PSD3: variants seen among roughly 807,000 people sequenced by gnomAD.
The protein encoded by PSD3 is pleckstrin and Sec7 domain containing 3, also known as PH and SEC7 domain-containing protein 3.
A neutral mutation model predicts 105.5 loss-of-function variants in PSD3; 49 were observed. That is an observed-to-expected ratio of 0.46 (90% CI 0.37 to 0.59). The LOEUF (loss-of-function observed/expected upper bound fraction) is 0.59, where lower values mean the gene tolerates loss of function less well. Among genes scored for constraint, PSD3 ranks in the 20% least tolerant of loss-of-function variants. The pLI is 0.00. For missense variants in PSD3, 1,561 were observed against 1,263.8 expected (o/e 1.24, Z -3.57); for synonymous variants, 557 against 457.8 (o/e 1.22, Z -2.77).
At chr8:18,721,149 C>T (rs1802943167) in intron 9 of PSD3, 1 of 152,012 alleles carries the variant, frequency 6.6e-6, no homozygotes, top group African/African-American at 2.4e-5. Context: ...CGCCATCTGT[C>T]CCACCGGACA....
chr8:18,731,273 A>C (rs946263672), intron 9 of PSD3, among the ~76,000 whole-genome samples: 1 of 152,168 alleles, frequency 6.6e-6, no homozygotes, highest in Non-Finnish European at 1.5e-5. Context: ...AAAAAACAAA[A>C]AACCTTCTTC....
At chr8:18,809,162 G>A (rs1405446059) in intron 4 of PSD3, among the ~76,000 whole-genome samples, 2 of 152,102 alleles carry the variant, frequency 1.3e-5, no homozygotes, top group African/African-American at 4.8e-5. Context: ...AGCATTAGAT[G>A]CGTTCTGTAG....
rs67555804 is a variant in PSD3, at chr8:18,652,493, G to GTTTTTTTTTTTTTT, written c.2216+3135_2216+3148dup. Among the ~76,000 whole-genome samples, 51 of 92,602 alleles carry GTTTTTTTTTTTTTT rather than the reference G, an allele frequency of 5.5e-4. 4 individuals carry two copies. The highest frequency in any genetic ancestry group is 7.0e-4 in the Non-Finnish European group (35 of 50,314). The allele number at this position is 92,602 out of a possible 152,430, so 60.8% of individuals were successfully genotyped here. Reference sequence around the variant, plus strand: ...ACACTTTTATCAAGGAAAAAGCTTAGTTTTTTTTTTTTTTTTTTTTTTGAG... The same window carrying GTTTTTTTTTTTTTT: ...ACACTTTTATCAAGGAAAAAGCTTAGTTTTTTTTTTTTTTTTTTTTTTTTTTTTTTTTTTTTGAG... On this transcript the variant is annotated intron_variant, in intron 10 of 15. Transcript: ENST00000327040.
intron 2 of PSD3, among the ~76,000 whole-genome samples, chr8:18,883,392 C>G (rs1156702345): frequency 1.3e-5 from 2 of 152,090 alleles, no homozygotes; most frequent in African/African-American, 4.8e-5. Context: ...CTCAAATTAC[C>G]AAGTAACCCC....
chr8:18,739,514 G>A (rs1294357265), intron 9 of PSD3, among the ~76,000 whole-genome samples: 1 of 152,078 alleles, frequency 6.6e-6, no homozygotes, highest in Non-Finnish European at 1.5e-5. Context: ...AAGGTAATAT[G>A]TACTTTGAAA....
chr8:18,657,952 C>A (rs28464673), intron 9 of PSD3, among the ~76,000 whole-genome samples: 7,866 of 152,260 alleles, frequency 0.052, 273 homozygotes, highest in African/African-American at 0.098. Context: ...TCTGTTCTAG[C>A]ACAAATTTTT....
rs191174358 is a variant in PSD3, at chr8:18,765,370, C to T, written c.2172+79G>A. On this transcript the variant is annotated intron_variant, in intron 9 of 15. Coordinates refer to ENST00000327040, the MANE Select transcript of PSD3 (RefSeq NM_015310.4). ...CAAAAAGCAAAATACTTAAGTGATC[C>T]TTAGCCTACTTAGGATTAAGCTGTA... 2.3e-6 allele frequency: 3 copies of T among 1,288,450 alleles called. No individual in the cohort carries two copies. In the African/African-American group the frequency reaches 4.6e-5, roughly 20 times the overall value. 79.8% of individuals were successfully genotyped at this position (1,288,450 alleles called of 1,614,324 possible). A position where few individuals can be genotyped will look rare whatever the true frequency, so the allele number is the denominator to read the frequency against.
At chr8:18,542,661 T>A (rs575165945) in intron 15 of PSD3, among the ~76,000 whole-genome samples, 1 of 152,258 alleles carries the variant, frequency 6.6e-6, no homozygotes, top group East Asian at 1.9e-4. Context: ...ATGGAAAGCA[T>A]GGTGGCGGTA....
chr8:18,562,549 C>T (rs1801459541), intron 14 of PSD3, among the ~76,000 whole-genome samples: 1 of 152,130 alleles, frequency 6.6e-6, no homozygotes, highest in Non-Finnish European at 1.5e-5. Context: ...CTCAAACGTG[C>T]AGGCTGGACT....
intron 9 of PSD3, among the ~76,000 whole-genome samples, chr8:18,737,761 A>T (rs1804262258): frequency 6.6e-6 from 1 of 152,114 alleles, no homozygotes; most frequent in African/African-American, 2.4e-5. Context: ...ATCACTTTCT[A>T]ACTTTAAAGA....
At chr8:18,942,877 A>G (rs1343898391) in intron 1 of PSD3, among the ~76,000 whole-genome samples, 1 of 152,234 alleles carries the variant, frequency 6.6e-6, no homozygotes, top group Non-Finnish European at 1.5e-5. Flanking sequence ...GGGCAAAAGG[A>G]AAATTCTCCA....
chr8:19,039,023 T>A (rs184719253), intron 1 of PSD3, among the ~76,000 whole-genome samples: 84 of 152,276 alleles, frequency 5.5e-4, no homozygotes, highest in African/African-American at 1.9e-3. Context: ...CTAAGCCCCC[T>A]CATCTTCATT....
At chr8:18,826,453 A>C (rs1179004865) in intron 4 of PSD3, among the ~76,000 whole-genome samples, 1 of 152,200 alleles carries the variant, frequency 6.6e-6, no homozygotes, top group Admixed American at 6.5e-5. Context: ...GCCTAGTCCA[A>C]CTTACTATAT....
chr8:18,665,248 C>T (rs1248020392), intron 9 of PSD3, among the ~76,000 whole-genome samples: 1 of 152,190 alleles, frequency 6.6e-6, no homozygotes, highest in Non-Finnish European at 1.5e-5. Flanking sequence ...TCTTCAAGAA[C>T]ATCTGTGATT....
intron 10 of PSD3, among the ~76,000 whole-genome samples, chr8:18,651,844 T>C (rs1208098990): frequency 6.6e-6 from 1 of 152,294 alleles, no homozygotes; most frequent in Admixed American, 6.5e-5. Flanking sequence ...TCACGAACAC[T>C]GAATGGAGAA....
At chr8:18,946,128 A>C (rs1470237899) in intron 1 of PSD3, among the ~76,000 whole-genome samples, 1 of 152,224 alleles carries the variant, frequency 6.6e-6, no homozygotes, top group Non-Finnish European at 1.5e-5. Flanking sequence ...AGATCATCCA[A>C]ATACACTTTG....
chr8:18,563,398 C>T (rs904056534), intron 14 of PSD3, among the ~76,000 whole-genome samples: 3 of 152,048 alleles, frequency 2.0e-5, no homozygotes, highest in African/African-American at 7.2e-5. Context: ...TTCCTTTGTG[C>T]TGTCTTAAAG....
intron 12 of PSD3, among the ~76,000 whole-genome samples, chr8:18,587,025 T>C (rs10110600): frequency 0.51 from 78,278 of 152,004 alleles, 20,361 homozygotes; most frequent in East Asian, 0.68. Context: ...TCAAACTGAA[T>C]GACACTAACT....
intron 2 of PSD3, among the ~76,000 whole-genome samples, chr8:18,884,929 C>T (rs1004100882): frequency 4.6e-5 from 7 of 152,282 alleles, no homozygotes; most frequent in Non-Finnish European, 8.8e-5. Context: ...CAGGGAACAG[C>T]CCATTAATTT....
Sources: gnomAD v4.1 joint callset for allele counts (sites outside exome capture counted in the v4.1 genomes callset) on GRCh38, gnomAD v4.1.1 for gene constraint, MANE v1.5 for transcripts, NCBI Gene and HGNC (gene_info 2026-07-23, HGNC 2026-07-21) for gene names.